The following RPS6KC1 variants were observed in gnomAD, a reference collection of about 807,000 sequenced individuals.
RPS6KC1 encodes ribosomal protein S6 kinase C1.
Under a neutral mutation model 103.8 loss-of-function variants are expected in RPS6KC1, and 54 were observed. That is an observed-to-expected ratio of 0.52 (90% CI 0.42 to 0.65). The LOEUF (loss-of-function observed/expected upper bound fraction) is 0.65. RPS6KC1 is among the 30% of genes least tolerant of loss of function. The pLI is 0.00. For missense variants in RPS6KC1, 1,151 were observed against 1,253.8 expected (o/e 0.92, Z 1.24); for synonymous variants, 439 against 438.7 (o/e 1.00, Z -0.01).
At chr1:213,363,027 T>C in the RPS6KC1 span, among the ~76,000 whole-genome samples, 1 of 152,198 alleles carries the variant, frequency 6.6e-6, no homozygotes, top group Non-Finnish European at 1.5e-5. Flanking sequence ...GTTGGTTCTG[T>C]TTCTCTGGGA....
At chr1:213,476,390 A>C in the RPS6KC1 span, among the ~76,000 whole-genome samples, 1 of 152,220 alleles carries the variant, frequency 6.6e-6, no homozygotes, top group Non-Finnish European at 1.5e-5. Context: ...AGTTAAAGTC[A>C]TATCAGGTCA....
intron 8 of RPS6KC1, among the ~76,000 whole-genome samples, chr1:213,201,371 T>C (rs372363338): frequency 8.5e-5 from 13 of 152,220 alleles, no homozygotes; most frequent in African/African-American, 3.1e-4. Flanking sequence ...CTTTATATTA[T>C]ATAATTCCAA....
the RPS6KC1 span, among the ~76,000 whole-genome samples, chr1:213,333,836 C>T: frequency 6.6e-6 from 1 of 152,096 alleles, no homozygotes; most frequent in African/African-American, 2.4e-5. Flanking sequence ...CACCCACCAC[C>T]ACGCCTGGCT....
the RPS6KC1 span, among the ~76,000 whole-genome samples, chr1:213,836,526 C>G: frequency 4.8e-4 from 73 of 151,920 alleles, no homozygotes; most frequent in Non-Finnish European, 8.1e-4. Flanking sequence ...TCTAGCCCCC[C>G]TCAAATCCCC....
chr1:213,815,209 C>T, the RPS6KC1 span, among the ~76,000 whole-genome samples: 1 of 152,172 alleles, frequency 6.6e-6, no homozygotes, highest in East Asian at 1.9e-4. Flanking sequence ...GTTTACTTCC[C>T]CTTCCACCAT....
the RPS6KC1 span, among the ~76,000 whole-genome samples, chr1:213,357,948 G>A: frequency 1.2e-4 from 18 of 152,296 alleles, no homozygotes; most frequent in East Asian, 3.9e-4. Flanking sequence ...CTTGATTTGC[G>A]TATGTTGAAC....
chr1:213,754,097 T>C, the RPS6KC1 span, among the ~76,000 whole-genome samples: 1 of 152,122 alleles, frequency 6.6e-6, no homozygotes, highest in African/African-American at 2.4e-5. Context: ...CTGGTGGCTG[T>C]ATTTGTCAGC....
the RPS6KC1 span, among the ~76,000 whole-genome samples, chr1:213,843,872 T>A: frequency 6.6e-6 from 1 of 152,082 alleles, no homozygotes; most frequent in African/African-American, 2.4e-5. Context: ...TAAATATTAT[T>A]TTTTTATGGC....
chr1:213,725,450 C>T, the RPS6KC1 span, among the ~76,000 whole-genome samples: 3 of 152,216 alleles, frequency 2.0e-5, no homozygotes, highest in African/African-American at 4.8e-5. Flanking sequence ...AAGAGAAGCC[C>T]TTGTTTCAGA....
At chr1:213,722,513 C>A in the RPS6KC1 span, among the ~76,000 whole-genome samples, 2 of 152,296 alleles carry the variant, frequency 1.3e-5, no homozygotes, top group African/African-American at 2.4e-5. Context: ...ACTATGGCAT[C>A]TTTTAGCCTA....
At chr1:213,173,335 C>T (rs2091623847) in intron 7 of RPS6KC1, among the ~76,000 whole-genome samples, 1 of 152,166 alleles carries the variant, frequency 6.6e-6, no homozygotes, top group Non-Finnish European at 1.5e-5. Context: ...TGCCTTTGGT[C>T]ATTTGTCCTT....
At chr1:213,113,478 G>C (rs1038816574) in intron 4 of RPS6KC1, among the ~76,000 whole-genome samples, 2 of 150,284 alleles carry the variant, frequency 1.3e-5, no homozygotes, top group Admixed American at 6.6e-5. Flanking sequence ...CAGATGAGTA[G>C]GTTGCGAAAA....
At chr1:213,142,768 C>G (rs74906531) in intron 6 of RPS6KC1, among the ~76,000 whole-genome samples, 3 of 151,918 alleles carry the variant, frequency 2.0e-5, no homozygotes, top group Non-Finnish European at 4.4e-5. Flanking sequence ...CTCGGATGAT[C>G]GTTGTCATTT....
intron 6 of RPS6KC1, among the ~76,000 whole-genome samples, chr1:213,151,953 T>A (rs1263196230): frequency 1.2e-5 from 1 of 83,850 alleles, no homozygotes; most frequent in Non-Finnish European, 2.3e-5. Context: ...CCCTCCCGGA[T>A]GGGGCGGCTG....
chr1:213,618,167 A>G, the RPS6KC1 span, among the ~76,000 whole-genome samples: 1 of 152,112 alleles, frequency 6.6e-6, no homozygotes, highest in African/African-American at 2.4e-5. Flanking sequence ...TCTTTATTTG[A>G]AATGGATTAT....
chr1:213,495,189 A>G, the RPS6KC1 span, among the ~76,000 whole-genome samples: 1 of 152,244 alleles, frequency 6.6e-6, no homozygotes, highest in African/African-American at 2.4e-5. Flanking sequence ...AGCAACATTA[A>G]AAGTTCAATA....
the RPS6KC1 span, among the ~76,000 whole-genome samples, chr1:213,683,412 C>A: frequency 1.3e-5 from 2 of 152,148 alleles, no homozygotes; most frequent in Non-Finnish European, 2.9e-5. Flanking sequence ...GGGGAACACA[C>A]CTACCAACCC....
the RPS6KC1 span, among the ~76,000 whole-genome samples, chr1:213,636,141 G>A: frequency 4.6e-5 from 7 of 152,050 alleles, no homozygotes; most frequent in Non-Finnish European, 5.9e-5. Flanking sequence ...ATGGAAGAAC[G>A]TTCCATGCTT....
the RPS6KC1 span, among the ~76,000 whole-genome samples, chr1:213,613,380 A>C: frequency 3.3e-5 from 5 of 152,270 alleles, no homozygotes; most frequent in South Asian, 8.3e-4. Flanking sequence ...TGTCGATGAG[A>C]TTTGGACTAG....
Sources: gnomAD v4.1 joint callset for allele counts (sites outside exome capture counted in the v4.1 genomes callset) on GRCh38, gnomAD v4.1.1 for gene constraint, MANE v1.5 for transcripts, NCBI Gene and HGNC (gene_info 2026-07-23, HGNC 2026-07-21) for gene names.